Variants in HS2ST1 observed in about 807,000 individuals in gnomAD.
HS2ST1 encodes heparan sulfate 2-O-sulfotransferase 1.
HS2ST1 carries 18 observed loss-of-function variants against 42.9 expected under a neutral mutation model. That is an observed-to-expected ratio of 0.42 (90% CI 0.29 to 0.62). HS2ST1 has a LOEUF of 0.62. HS2ST1 is among the 20% of genes least tolerant of loss of function. The pLI is 0.21. For missense variants in HS2ST1, 334 were observed against 433.8 expected (o/e 0.77, Z 2.04); for synonymous variants, 146 against 152.9 (o/e 0.95, Z 0.33).
intron 1 of HS2ST1, among the ~76,000 whole-genome samples, chr1:86,924,811 C>G (rs1226190906): frequency 6.6e-6 from 1 of 152,180 alleles, no homozygotes; most frequent in Non-Finnish European, 1.5e-5. Flanking sequence ...TGGGGGGGCA[C>G]TGACATGGAG....
In HS2ST1 at chr1:87,036,725, G is replaced by T. The variant is rs183461097; in HGVS notation, c.125-36209G>T. Among the ~76,000 whole-genome samples the T allele has an allele frequency of 8.3e-4, 127 of 152,290 alleles. 2 individuals carry two copies. In the Middle Eastern group the frequency reaches 0.027, roughly 33 times the overall value. On this transcript the variant is annotated intron_variant, in intron 1 of 6. Coordinates refer to ENST00000370550, the MANE Select transcript of HS2ST1 (RefSeq NM_012262.4). ...ATTGTAAAATTACCTTGACCAAACT[G>T]ATATCAGGATGACAATGTCAACATT... is the stretch of plus-strand genomic sequence containing the variant.
intron 1 of HS2ST1, among the ~76,000 whole-genome samples, chr1:86,992,733 T>C (rs537001527): frequency 1.3e-5 from 2 of 152,318 alleles, no homozygotes; most frequent in East Asian, 3.9e-4. Context: ...CTTGGATTCA[T>C]TGGCTGGGGC....
intron 1 of HS2ST1, among the ~76,000 whole-genome samples, chr1:86,984,747 A>G (rs542066617): frequency 6.6e-6 from 1 of 151,996 alleles, no homozygotes; most frequent in South Asian, 2.1e-4. Flanking sequence ...ATAAAAAACT[A>G]AAATACTAAA....
At chr1:86,967,396 C>T (rs916079150) in intron 1 of HS2ST1, among the ~76,000 whole-genome samples, 1 of 152,142 alleles carries the variant, frequency 6.6e-6, no homozygotes, top group Admixed American at 6.5e-5. Flanking sequence ...TTGCCTCTCA[C>T]CAAAGTAGTG....
Position 87,104,874 on chromosome 1 carries a change from T to G in HS2ST1, c.*178T>G. ...ATACTGGCTGGCATTGTCAGTGTTCTAAGTTTCAGGCATTTTTATTTTTCC... is the reference window on the plus strand; with the variant it reads ...ATACTGGCTGGCATTGTCAGTGTTCGAAGTTTCAGGCATTTTTATTTTTCC... On this transcript the variant is annotated 3_prime_UTR_variant, in exon 7 of 7. Coordinates refer to ENST00000370550, the MANE Select transcript of HS2ST1 (RefSeq NM_012262.4). 1.9e-6 allele frequency: 1 copy of G among 536,972 alleles called. No homozygotes were observed. Among genetic ancestry groups the G allele is most frequent in the East Asian group, 2.9e-5 (1 of 34,052 alleles). The allele number at this position is 536,972 out of a possible 1,614,324, so 33.3% of individuals were successfully genotyped here. A position where few individuals can be genotyped will look rare whatever the true frequency, so the allele number is the denominator to read the frequency against.
In HS2ST1 at chr1:87,036,198, A is replaced by G. The variant is rs545009306; in HGVS notation, c.125-36736A>G. 1.3e-3 allele frequency among the ~76,000 whole-genome samples: 191 copies of G among 152,272 alleles called. 1 individual carries two copies. The highest frequency in any genetic ancestry group is 4.3e-3 in the African/African-American group (179 of 41,550). ...GTGCCACAGTTTCTTTATCCAGTCT[A>G]TCATTGATGGGCATTTGGGTTGGTT... On this transcript the variant is annotated intron_variant, in intron 1 of 6. Coordinates refer to ENST00000370550, the MANE Select transcript of HS2ST1 (RefSeq NM_012262.4).
Position 87,107,734 on chromosome 1 carries a change from G to A in HS2ST1, c.*3038G>A, listed in dbSNP as rs1396887509. 1 of 151,756 alleles carries A rather than the reference G, an allele frequency of 6.6e-6. No homozygotes were observed. Among genetic ancestry groups the A allele is most frequent in the Non-Finnish European group, 1.5e-5 (1 of 67,846 alleles). The allele number at this position is 151,756 out of a possible 1,614,324, so 9.4% of individuals were successfully genotyped here. A position where few individuals can be genotyped will look rare whatever the true frequency, so the allele number is the denominator to read the frequency against. On this transcript the variant is annotated 3_prime_UTR_variant, in exon 7 of 7. Coordinates refer to ENST00000370550, the MANE Select transcript of HS2ST1 (RefSeq NM_012262.4). ...CCTCTTTTCTAATTGCTGTGAAATGGCAACTGTTGATAAATTATTGTGATT... is the reference window on the plus strand; with the variant it reads ...CCTCTTTTCTAATTGCTGTGAAATGACAACTGTTGATAAATTATTGTGATT...
Position 87,022,571 on chromosome 1 carries a change from C to G in HS2ST1, c.125-50363C>G, listed in dbSNP as rs116414992. ...TACATGAATGGCTAAATAAAATAAA[C>G]ATGGTACTTTACCTTGAAAAAGACC... On this transcript the variant is annotated intron_variant, in intron 1 of 6. Transcript: ENST00000370550. Among the ~76,000 whole-genome samples, 584 of 152,218 alleles carry G rather than the reference C, an allele frequency of 3.8e-3. 3 individuals are homozygous for G. Among genetic ancestry groups the G allele is most frequent in the South Asian group, 0.037 (179 of 4,824 alleles).
chr1:87,028,060 G>A (rs1396957627), intron 1 of HS2ST1, among the ~76,000 whole-genome samples: 1 of 152,192 alleles, frequency 6.6e-6, no homozygotes, highest in East Asian at 1.9e-4. Context: ...GGTATTAATT[G>A]TTGCCTCCCT....
intron 1 of HS2ST1, among the ~76,000 whole-genome samples, chr1:87,031,239 C>T (rs987170287): frequency 3.3e-5 from 5 of 152,146 alleles, no homozygotes; most frequent in African/African-American, 1.2e-4. Context: ...CGTCACCTGG[C>T]TAAGTCTCAG....
intron 1 of HS2ST1, among the ~76,000 whole-genome samples, chr1:86,918,898 CT>C (rs1424251627): frequency 8.6e-4 from 125 of 145,348 alleles, no homozygotes; most frequent in African/African-American, 2.7e-3. Context: ...GGGTGGTTTA[CT>C]TTTTTTTTTA....
intron 1 of HS2ST1, among the ~76,000 whole-genome samples, chr1:86,986,923 CCTAA>C (rs1349463204): frequency 6.6e-6 from 1 of 152,104 alleles, no homozygotes; most frequent in South Asian, 2.1e-4. Context: ...AATAACACCA[CCTAA>C]CTGTCATGAC....
At chr1:86,969,881 T>C (rs1188745995) in intron 1 of HS2ST1, among the ~76,000 whole-genome samples, 1 of 152,110 alleles carries the variant, frequency 6.6e-6, no homozygotes, top group Non-Finnish European at 1.5e-5. Flanking sequence ...ATCCCAGCAC[T>C]TTGGGAGGCC....
chr1:87,103,340 A>T, intron 5 of HS2ST1, 92 bp from the exon 6 acceptor site: 1 of 1,163,776 alleles, frequency 8.6e-7, no homozygotes, highest in Non-Finnish European at 1.2e-6. Context: ...ACATGTGTTT[A>T]TCTATTTTCT....
chr1:86,928,889 C>A (rs1320333073), intron 1 of HS2ST1, among the ~76,000 whole-genome samples: 1 of 151,840 alleles, frequency 6.6e-6, no homozygotes. Context: ...GTCAGTGATA[C>A]TCTCTGACTT....
In HS2ST1 at chr1:87,107,134, C is replaced by G. The variant is rs2764430; in HGVS notation, c.*2438C>G. On this transcript the variant is annotated 3_prime_UTR_variant, in exon 7 of 7. Transcript: ENST00000370550. ...ATGGGCAACCAACCATTGCACTGGCCAAATCATTATTTATGGAGAAATCCT... is the reference window on the plus strand; with the variant it reads ...ATGGGCAACCAACCATTGCACTGGCGAAATCATTATTTATGGAGAAATCCT... 1 of 151,944 alleles carries G rather than the reference C, an allele frequency of 6.6e-6. No individual in the cohort carries two copies. Among genetic ancestry groups the G allele is most frequent in the Non-Finnish European group, 1.5e-5 (1 of 67,896 alleles). 9.4% of individuals were successfully genotyped at this position (151,944 alleles called of 1,614,324 possible).
At chr1:86,924,893 C>T (rs1382057368) in intron 1 of HS2ST1, among the ~76,000 whole-genome samples, 2 of 152,164 alleles carry the variant, frequency 1.3e-5, no homozygotes, top group African/African-American at 4.8e-5. Flanking sequence ...GTTACTTATG[C>T]AATTTCTTCA....
chr1:86,942,023 A>C (rs1660773174), intron 1 of HS2ST1, among the ~76,000 whole-genome samples: 1 of 152,236 alleles, frequency 6.6e-6, no homozygotes, highest in Non-Finnish European at 1.5e-5. Flanking sequence ...CCAGTTCTGC[A>C]TCTGGATTGT....
In HS2ST1 at chr1:87,010,788, G is replaced by C. The variant is rs935247899; in HGVS notation, c.125-62146G>C. On this transcript the variant is annotated intron_variant, in intron 1 of 6. Transcript: ENST00000370550. Reference sequence around the variant, plus strand: ...GTTTTGTTTTGTTTTGTTTTGTTTTGTTTTGTTTTGTTTTGTTTTGAGACA... The same window carrying C: ...GTTTTGTTTTGTTTTGTTTTGTTTTCTTTTGTTTTGTTTTGTTTTGAGACA... Among the ~76,000 whole-genome samples the C allele has an allele frequency of 2.7e-5, 4 of 148,406 alleles. No homozygotes were observed. The East Asian group carries it at 7.8e-4, about 29-fold the overall frequency.
Sources: gnomAD v4.1 joint callset for allele counts (sites outside exome capture counted in the v4.1 genomes callset) on GRCh38, gnomAD v4.1.1 for gene constraint, MANE v1.5 for transcripts, NCBI Gene and HGNC (gene_info 2026-07-23, HGNC 2026-07-21) for gene names.